Variants in TTI1 observed in about 807,000 individuals in gnomAD.
The protein encoded by TTI1 is TELO2-interacting protein 1 homolog.
Under a neutral mutation model 85.4 loss-of-function variants are expected in TTI1, and 52 were observed. The ratio of observed to expected loss-of-function variants is 0.61; its 90% confidence interval spans 0.49 to 0.77. TTI1 has a LOEUF of 0.77. Among genes scored for constraint, TTI1 ranks in the 30% least tolerant of loss-of-function variants. The pLI is 0.00. For missense variants in TTI1, 1,173 were observed against 1,296.0 expected (o/e 0.91, Z 1.46); for synonymous variants, 512 against 503.9 (o/e 1.02, Z -0.22).
chr20:38,013,408 C>T lies in TTI1; in HGVS notation c.409G>A (p.Asp137Asn), dbSNP rs1349931399. The T allele has an allele frequency of 6.2e-7, 1 of 1,614,046 alleles. No individual in the cohort carries two copies. Among genetic ancestry groups the T allele is most frequent in the Admixed American group, 1.7e-5 (1 of 60,014 alleles). Reference sequence around the variant, plus strand: ...GGCTCATAAAAAGTCAGAATGATGTCCCCATAAGCTGAGTGCATTAATGTG... The same window carrying T: ...GGCTCATAAAAAGTCAGAATGATGTTCCCATAAGCTGAGTGCATTAATGTG... ...LSTLMHSAYG[D>N]IILTFYEPSI... Residue 137 changes from aspartate (D) to asparagine (N), a missense_variant, in exon 2 of 8, where the codon GAC (aspartate) becomes AAC (asparagine). Coordinates refer to ENST00000373447, the MANE Select transcript of TTI1 (RefSeq NM_001303457.2).
chr20:37,994,458 C>A (rs2122502634), intron 7 of TTI1, among the ~76,000 whole-genome samples: 1 of 151,702 alleles, frequency 6.6e-6, no homozygotes, highest in South Asian at 2.1e-4. Context: ...CTTTTCCATA[C>A]TAAGTGGCCC....
chr20:37,992,205 A>T (rs184118505), intron 7 of TTI1, among the ~76,000 whole-genome samples: 22 of 152,222 alleles, frequency 1.4e-4, no homozygotes, highest in Admixed American at 5.9e-4. Flanking sequence ...TGGGAGTAGG[A>T]CTGGGGGTGG....
chr20:37,985,831 A>C (rs2122472140), intron 7 of TTI1, among the ~76,000 whole-genome samples: 1 of 152,114 alleles, frequency 6.6e-6, no homozygotes, highest in Admixed American at 6.6e-5. Context: ...CGGCCTACTG[A>C]ATTTTTTCCT....
intron 1 of TTI1, among the ~76,000 whole-genome samples, chr20:38,021,175 A>C (rs965089414): frequency 6.6e-6 from 1 of 152,242 alleles, no homozygotes; most frequent in Non-Finnish European, 1.5e-5. Flanking sequence ...CCACAATCAG[A>C]GATCTTCAAA....
Position 37,983,428 on chromosome 20 carries a change from C to T in TTI1, c.*28G>A, listed in dbSNP as rs137996777. 784 of 1,600,672 alleles carry T rather than the reference C, an allele frequency of 4.9e-4. 4 individuals are homozygous for T. In the African/African-American group the frequency reaches 9.7e-3, roughly 20 times the overall value. On this transcript the variant is annotated 3_prime_UTR_variant, in exon 8 of 8. Transcript: ENST00000373447. ...TTCTGGCTGGCAGTAGGGGAGGGAT[C>T]GGTGGCCTCTGTGGTGGGGGAGCAG... is the stretch of plus-strand genomic sequence containing the variant.
chr20:38,011,761 A>T lies in TTI1; in HGVS notation c.2056T>A (p.Ser686Thr). 2 of 1,614,212 alleles carry T rather than the reference A, an allele frequency of 1.2e-6. No homozygotes were observed. The highest frequency in any genetic ancestry group is 1.7e-6 in the Non-Finnish European group (2 of 1,180,042). Residue 686 changes from serine (S) to threonine (T), a missense_variant, in exon 2 of 8, where the codon TCC becomes ACC. By Grantham distance (58) the Ser-to-Thr change is moderately conservative. Coordinates refer to ENST00000373447, the MANE Select transcript of TTI1 (RefSeq NM_001303457.2). ...MDVCRACGYDSLQHLINQNSD... is the reference protein window; with the variant it reads ...MDVCRACGYDTLQHLINQNSD... ...TTTTGATTGATCAGGTGCTGCAGGG[A>T]GTCGTAGCCACAAGCACGGCAAACG...
At chr20:37,991,298 C>T (rs2073260830) in intron 7 of TTI1, among the ~76,000 whole-genome samples, 1 of 152,306 alleles carries the variant, frequency 6.6e-6, no homozygotes, top group Admixed American at 6.5e-5. Flanking sequence ...ACTGCCCACA[C>T]CATTTAAGGG....
At chr20:38,020,721 C>T (rs915192476) in intron 1 of TTI1, among the ~76,000 whole-genome samples, 1 of 151,828 alleles carries the variant, frequency 6.6e-6, no homozygotes, top group African/African-American at 2.4e-5. Flanking sequence ...AAAAGGATAG[C>T]CAAATAGCCA....
At chr20:37,996,228 C>T in intron 7 of TTI1, 147 bp downstream of exon 7, 1 of 788,754 alleles carries the variant, frequency 1.3e-6, no homozygotes. Flanking sequence ...AAAATACCAT[C>T]TCTAGTGCTG....
rs762276163 is a variant in TTI1 at position 38,011,809 on chromosome 20, C to G, written c.2008G>C (p.Val670Leu). The change falls in exon 2 of 8, where the codon GTG (valine) becomes CTG (leucine). Residue 670 changes from valine (V) to leucine (L), a missense_variant. By Grantham distance (32) the Val-to-Leu change is conservative. Coordinates refer to ENST00000373447, the MANE Select transcript of TTI1 (RefSeq NM_001303457.2). ...AGDQTLLISQVATSTMMDVCR... is the reference protein window; with the variant it reads ...AGDQTLLISQLATSTMMDVCR... ...ACGTCCATCATGGTGCTGGTAGCCA[C>G]CTGACTAATGAGTAGGGTTTGGTCT... 6.2e-7 allele frequency: 1 copy of G among 1,614,190 alleles called. No individual in the cohort carries two copies. Among genetic ancestry groups the G allele is most frequent in the South Asian group, 1.1e-5 (1 of 91,082 alleles).
At chr20:37,999,388 G>C in intron 4 of TTI1, 60 bp from the exon 5 acceptor site, 1 of 1,333,650 alleles carries the variant, frequency 7.5e-7, no homozygotes, top group Non-Finnish European at 9.7e-7. Context: ...CTGGGATCAA[G>C]TCACCATTTT....
intron 1 of TTI1, among the ~76,000 whole-genome samples, chr20:38,027,374 T>C (rs1373388453): frequency 2.0e-5 from 3 of 152,204 alleles, no homozygotes; most frequent in Admixed American, 2.0e-4. Flanking sequence ...TGTTGTTGTA[T>C]TGTTATCTTT....
intron 2 of TTI1, 49 bp from the exon 3 acceptor site, chr20:38,006,446 T>A: frequency 6.3e-7 from 1 of 1,599,390 alleles, no homozygotes; most frequent in Non-Finnish European, 8.6e-7. Context: ...ACAACAGGCA[T>A]GAGTACTTTA....
intron 1 of TTI1, among the ~76,000 whole-genome samples, chr20:38,017,427 T>C (rs944646974): frequency 6.7e-5 from 10 of 149,582 alleles, no homozygotes; most frequent in Non-Finnish European, 1.0e-4. Flanking sequence ...TGTGTGTGTG[T>C]GTGTGTGTGC....
chr20:38,009,360 C>T (rs2073547872), intron 2 of TTI1, among the ~76,000 whole-genome samples: 1 of 152,120 alleles, frequency 6.6e-6, no homozygotes, highest in Admixed American at 6.5e-5. Context: ...ATCCAAACTC[C>T]TTCTCTTGCT....
chr20:37,998,799 C>G (rs1837002454), intron 5 of TTI1, among the ~76,000 whole-genome samples: 1 of 152,140 alleles, frequency 6.6e-6, no homozygotes, highest in Non-Finnish European at 1.5e-5. Flanking sequence ...CTGTGCAGTG[C>G]AAATATGGTG....
intron 5 of TTI1, among the ~76,000 whole-genome samples, chr20:37,998,890 T>C (rs1173254394): frequency 6.6e-6 from 1 of 152,134 alleles, no homozygotes; most frequent in Non-Finnish European, 1.5e-5. Context: ...AGCTTCTTTC[T>C]TCCTCTGCCA....
chr20:37,988,855 C>G (rs1278805229), intron 7 of TTI1, among the ~76,000 whole-genome samples: 1 of 152,212 alleles, frequency 6.6e-6, no homozygotes, highest in Non-Finnish European at 1.5e-5. Flanking sequence ...TCTGGCAGCA[C>G]AGCCTCCACA....
chr20:37,996,223 A>T, intron 7 of TTI1, 152 bp downstream of exon 7: 1 of 756,202 alleles, frequency 1.3e-6, no homozygotes, highest in Non-Finnish European at 2.1e-6. Context: ...TAGTAAAAAT[A>T]CCATCTCTAG....
Sources: allele counts gnomAD v4.1 joint callset (sites outside exome capture counted in the v4.1 genomes callset), GRCh38; gene constraint gnomAD v4.1.1; transcripts MANE v1.5; gene names NCBI Gene and HGNC (gene_info 2026-07-23, HGNC 2026-07-21).